Variants in TEX36 observed in about 807,000 individuals in gnomAD.
TEX36 encodes testis expressed 36.
TEX36 carries 12 observed loss-of-function variants against 13.6 expected under a neutral mutation model. That is an observed-to-expected ratio of 0.88 (90% CI 0.56 to 1.43). TEX36 has a LOEUF of 1.43. TEX36 is among the 40% of genes most tolerant of loss of function. The probability of loss-of-function intolerance (pLI) is 0.00; values close to 1 mark genes in which losing one functional copy is unlikely to be tolerated. For missense variants in TEX36, 224 were observed against 228.3 expected (o/e 0.98, Z 0.12); for synonymous variants, 93 against 83.0 (o/e 1.12, Z -0.65).
At chr10:125,608,304 A>G (rs1409034122) in intron 3 of TEX36, among the ~76,000 whole-genome samples, 2 of 152,128 alleles carry the variant, frequency 1.3e-5, no homozygotes, top group African/African-American at 2.4e-5. Flanking sequence ...TTTCATGACT[A>G]TACATTTGTC....
intron 3 of TEX36, among the ~76,000 whole-genome samples, chr10:125,660,292 T>C (rs1185610773): frequency 6.6e-6 from 1 of 152,100 alleles, no homozygotes; most frequent in East Asian, 1.9e-4. Context: ...ACCTGGTTAA[T>C]TTTTTAATGT....
intron 3 of TEX36, among the ~76,000 whole-genome samples, chr10:125,580,057 A>C (rs1015822041): frequency 6.6e-6 from 1 of 152,256 alleles, no homozygotes; most frequent in African/African-American, 2.4e-5. Context: ...TTAGTTGAAT[A>C]AAAGAATAAA....
chr10:125,633,653 G>A (rs1246493855), intron 3 of TEX36, among the ~76,000 whole-genome samples: 1 of 152,018 alleles, frequency 6.6e-6, no homozygotes, highest in East Asian at 1.9e-4. Context: ...TTTTCCCACT[G>A]AACATTATCT....
intron 3 of TEX36, among the ~76,000 whole-genome samples, chr10:125,643,586 C>CA (rs1456625503): frequency 6.6e-6 from 1 of 151,896 alleles, no homozygotes; most frequent in Non-Finnish European, 1.5e-5. Context: ...ACTAAAAATA[C>CA]AAAAAATTAG....
chr10:125,577,112 C>A (rs148601199), intron 3 of TEX36, among the ~76,000 whole-genome samples: 3 of 152,110 alleles, frequency 2.0e-5, no homozygotes, highest in Non-Finnish European at 4.4e-5. Context: ...GGATGGGGTA[C>A]AATGAGGGGC....
At chr10:125,609,727 C>T (rs556613334) in intron 3 of TEX36, among the ~76,000 whole-genome samples, 7 of 152,328 alleles carry the variant, frequency 4.6e-5, no homozygotes, top group East Asian at 1.9e-4. Flanking sequence ...TGGGGACACA[C>T]GTTGCAGCAG....
intron 3 of TEX36, among the ~76,000 whole-genome samples, chr10:125,582,669 C>A (rs995026777): frequency 2.6e-5 from 4 of 152,170 alleles, no homozygotes; most frequent in Admixed American, 6.5e-5. Context: ...TTCATTCAGA[C>A]AATCAATAAA....
chr10:125,646,783 G>GA (rs887304660), intron 3 of TEX36, among the ~76,000 whole-genome samples: 10 of 149,036 alleles, frequency 6.7e-5, no homozygotes, highest in Non-Finnish European at 1.2e-4. Flanking sequence ...TTAGAAAAAG[G>GA]AAAAAAAAAT....
At chr10:125,615,504 T>C (rs1388616876) in intron 3 of TEX36, among the ~76,000 whole-genome samples, 1 of 152,162 alleles carries the variant, frequency 6.6e-6, no homozygotes, top group Non-Finnish European at 1.5e-5. Flanking sequence ...GGTTGTTGAA[T>C]TTTATCAAAG....
At chr10:125,581,849 T>A (rs1845887132) in intron 3 of TEX36, among the ~76,000 whole-genome samples, 1 of 152,204 alleles carries the variant, frequency 6.6e-6, no homozygotes, top group African/African-American at 2.4e-5. Flanking sequence ...GAGGCCCAGA[T>A]GCCATGAACT....
At chr10:125,621,944 T>TC (rs976744607) in intron 3 of TEX36, among the ~76,000 whole-genome samples, 55 of 152,184 alleles carry the variant, frequency 3.6e-4, no homozygotes, top group African/African-American at 1.3e-3. Context: ...TGGGATGCTG[T>TC]CACCCACATT....
chr10:125,594,437 C>A (rs980255444), intron 3 of TEX36, among the ~76,000 whole-genome samples: 2 of 152,192 alleles, frequency 1.3e-5, no homozygotes, highest in African/African-American at 4.8e-5. Context: ...CTTGAGCTCT[C>A]ATATACTCAG....
At position 125,655,832 on chromosome 10, in the gene TEX36, A is replaced by G; in HGVS notation, c.*68T>C. 5.7e-6 allele frequency: 8 copies of G among 1,397,518 alleles called. No homozygotes were observed. The highest frequency in any genetic ancestry group is 7.5e-6 in the Non-Finnish European group (8 of 1,070,026). 86.6% of individuals were successfully genotyped at this position (1,397,518 alleles called of 1,614,324 possible). On this transcript the variant is annotated 3_prime_UTR_variant, in exon 4 of 4. Coordinates refer to ENST00000368821, the MANE Select transcript of TEX36 (RefSeq NM_001128202.3). The stretch of plus-strand genomic sequence containing the variant: ...TTAAATAGTGGTGCTGGATCAGAAA[A>G]CATATACTTTTAGGATGTCTGATGA...
chr10:125,583,466 CT>C (rs1447233395), intron 3 of TEX36, among the ~76,000 whole-genome samples: 2 of 152,150 alleles, frequency 1.3e-5, no homozygotes, highest in Non-Finnish European at 2.9e-5. Context: ...ACAAAAGGTT[CT>C]TTTTGTTTTG....
At chr10:125,640,282 A>G in intron 3 of TEX36, 1 of 856,928 alleles carries the variant, frequency 1.2e-6, no homozygotes, top group Non-Finnish European at 1.4e-6. Context: ...GTATTACCCA[A>G]TTTGGGAACT....
intron 3 of TEX36, among the ~76,000 whole-genome samples, chr10:125,583,882 C>A (rs1482330559): frequency 6.6e-6 from 1 of 152,152 alleles, no homozygotes; most frequent in Non-Finnish European, 1.5e-5. Flanking sequence ...CCAGCCTTTT[C>A]ATCCTGTGAC....
chr10:125,631,152 T>G (rs902205647), intron 3 of TEX36, among the ~76,000 whole-genome samples: 1 of 152,258 alleles, frequency 6.6e-6, no homozygotes, highest in Non-Finnish European at 1.5e-5. Context: ...TGAAAGGATT[T>G]TATTAGGCAG....
chr10:125,669,804 T>C (rs1029056172), intron 1 of TEX36, among the ~76,000 whole-genome samples: 3 of 152,218 alleles, frequency 2.0e-5, no homozygotes, highest in African/African-American at 7.2e-5. Flanking sequence ...TGTGTCCATG[T>C]GTTCTCATTG....
downstream of TEX36, among the ~76,000 whole-genome samples, chr10:125,655,055 A>T (rs1207137311): frequency 6.6e-6 from 1 of 152,226 alleles, no homozygotes; most frequent in Non-Finnish European, 1.5e-5. Context: ...AACAGAGTGA[A>T]TTTGTATTTG....
Sources: gnomAD v4.1 joint callset for allele counts (sites outside exome capture counted in the v4.1 genomes callset) on GRCh38, gnomAD v4.1.1 for gene constraint, MANE v1.5 for transcripts, NCBI Gene and HGNC (gene_info 2026-07-23, HGNC 2026-07-21) for gene names.